The following UQCC1 variants were observed in gnomAD, a reference collection of about 807,000 sequenced individuals.
The protein encoded by UQCC1 is bFGF-repressed Zic-binding protein.
UQCC1 carries 38 observed loss-of-function variants against 48.0 expected under a neutral mutation model. The observed-to-expected ratio is 0.79, with a 90% CI of 0.61 to 1.04. The LOEUF is 1.04. Among genes scored for constraint, UQCC1 ranks in the 50% least tolerant of loss-of-function variants. The pLI, the probability that UQCC1 is intolerant of heterozygous loss-of-function variation, is 0.00. For missense variants in UQCC1, 368 were observed against 381.8 expected, an observed-to-expected ratio of 0.96 and a Z score of 0.30; for synonymous variants, 111 against 129.2, an observed-to-expected ratio of 0.86 and a Z score of 0.95.
intron 7 of UQCC1, chr20:35,344,618 G>A (rs1026841729): frequency 6.6e-6 from 1 of 152,254 alleles, no homozygotes; most frequent in African/African-American, 2.4e-5. Context: ...AGAGTTGGGT[G>A]GTAAGTACTT....
intron 6 of UQCC1, among the ~76,000 whole-genome samples, chr20:35,354,835 A>G (rs1402869732): frequency 6.6e-6 from 1 of 152,238 alleles, no homozygotes; most frequent in Non-Finnish European, 1.5e-5. Flanking sequence ...CTGTAAGCTT[A>G]ACAACTTACG....
chr20:35,306,447 A>G, intron 9 of UQCC1: 1 of 533,962 alleles, frequency 1.9e-6, no homozygotes, highest in South Asian at 2.1e-5. Context: ...AGACTACTCG[A>G]TGCCTCTTTC....
At chr20:35,397,778 G>A (rs893699649) in intron 1 of UQCC1, among the ~76,000 whole-genome samples, 1 of 152,106 alleles carries the variant, frequency 6.6e-6, no homozygotes, top group African/African-American at 2.4e-5. Flanking sequence ...GGGAGGTCCT[G>A]GAACCAAAGG....
intron 2 of UQCC1, 97 bp from the exon 3 acceptor site, chr20:35,384,230 C>A (rs2061910705): frequency 1.9e-6 from 2 of 1,070,928 alleles, no homozygotes; most frequent in Non-Finnish European, 2.7e-6. Context: ...ATCTTTCCAA[C>A]CTTACTTAGC....
Position 35,393,647 on chromosome 20 carries a change from G to GGAGAAAACCCCTC in UQCC1, c.129+444_129+445insGAGGGGTTTTCTC, listed in dbSNP as rs539215123. 6.8e-3 allele frequency among the ~76,000 whole-genome samples: 1,039 copies of GGAGAAAACCCCTC among 152,096 alleles called. 15 individuals are homozygous for GGAGAAAACCCCTC. The highest frequency in any genetic ancestry group is 0.024 in the African/African-American group (993 of 41,476). On this transcript the variant is annotated intron_variant, in intron 2 of 9. Coordinates refer to ENST00000374385, the MANE Select transcript of UQCC1 (RefSeq NM_018244.5). Reference sequence around the variant, plus strand: ...TGTATTATTAACAAAAATCAGGAGGGACACAAGGTCCAAGGTAAACTACAT... The same window carrying GGAGAAAACCCCTC: ...TGTATTATTAACAAAAATCAGGAGGGGAGAAAACCCCTCACACAAGGTCCAAGGTAAACTACAT...
chr20:35,370,324 C>G (rs1570003), intron 5 of UQCC1, among the ~76,000 whole-genome samples: 112,784 of 151,310 alleles, frequency 0.75, 42,477 homozygotes, highest in East Asian at 0.89. Context: ...TGGGATTACA[C>G]GTGTGAGCCA....
At chr20:35,400,712 G>A (rs1203716155) in intron 1 of UQCC1, among the ~76,000 whole-genome samples, 2 of 151,844 alleles carry the variant, frequency 1.3e-5, no homozygotes, top group East Asian at 1.9e-4. Flanking sequence ...CGCCAGGATG[G>A]TCTTGATCTC....
chr20:35,360,830 G>A (rs954310121), intron 6 of UQCC1, among the ~76,000 whole-genome samples: 1 of 152,162 alleles, frequency 6.6e-6, no homozygotes, highest in African/African-American at 2.4e-5. Flanking sequence ...GTAAATGTTT[G>A]CTGTGCTCAT....
chr20:35,378,847 AT>A (rs893743108), intron 4 of UQCC1, among the ~76,000 whole-genome samples: 1 of 152,178 alleles, frequency 6.6e-6, no homozygotes, highest in Non-Finnish European at 1.5e-5. Flanking sequence ...TATAACATTC[AT>A]TGAACATTAT....
intron 9 of UQCC1, among the ~76,000 whole-genome samples, chr20:35,305,797 C>T (rs998419683): frequency 3.3e-5 from 5 of 152,216 alleles, no homozygotes; most frequent in East Asian, 1.9e-4. Flanking sequence ...GTAACTGTGG[C>T]GTGACACCCC....
At chr20:35,403,067 CAAA>C (rs10707620) in intron 1 of UQCC1, among the ~76,000 whole-genome samples, 13 of 134,936 alleles carry the variant, frequency 9.6e-5, no homozygotes, top group South Asian at 2.3e-4. Flanking sequence ...GACTTCGTCT[CAAA>C]AAAAAAAAAA....
intron 1 of UQCC1, among the ~76,000 whole-genome samples, chr20:35,397,152 T>C (rs911336384): frequency 9.3e-5 from 14 of 150,298 alleles, no homozygotes; most frequent in East Asian, 5.9e-4. Flanking sequence ...TGAGCAGAGA[T>C]TGTGCCACTG....
At chr20:35,310,668 A>T (rs1250415264) in intron 8 of UQCC1, among the ~76,000 whole-genome samples, 3 of 140,848 alleles carry the variant, frequency 2.1e-5, no homozygotes, top group South Asian at 4.8e-4. Context: ...AAAAAAAAAA[A>T]TTGGGAAGAT....
intron 4 of UQCC1, among the ~76,000 whole-genome samples, chr20:35,377,890 T>A (rs2061820998): frequency 6.6e-6 from 1 of 152,222 alleles, no homozygotes. Context: ...TCAGTGCTCA[T>A]GCTATGGCAA....
At chr20:35,361,539 T>C (rs1313463041) in intron 6 of UQCC1, among the ~76,000 whole-genome samples, 1 of 152,240 alleles carries the variant, frequency 6.6e-6, no homozygotes, top group African/African-American at 2.4e-5. Context: ...AGAGAATAAA[T>C]GCCATAATTT....
At chr20:35,328,993 G>T (rs1570002) in intron 7 of UQCC1, among the ~76,000 whole-genome samples, 1 of 152,136 alleles carries the variant, frequency 6.6e-6, no homozygotes, top group Non-Finnish European at 1.5e-5. Flanking sequence ...AGCATGTGGC[G>T]AGAGACAAAA....
rs1262851903 is a variant in UQCC1, at chr20:35,411,945, C to A, written c.19G>T (p.Val7Phe). ...AAAATTACTCCTTCACTCACAAGGA[C>A]TCGCACCAGCAACGCCATGTTCCTC... MALLVRVLRNQTSISQW... is the reference protein window; with the variant it reads MALLVRFLRNQTSISQW... The change falls in exon 1 of 10, where the codon GTC becomes TTC. Residue 7 changes from valine to phenylalanine, a missense_variant. Coordinates refer to ENST00000374385, the MANE Select transcript of UQCC1 (RefSeq NM_018244.5). The A allele has an allele frequency of 6.2e-7, 1 of 1,614,224 alleles. No homozygotes were observed. Among genetic ancestry groups the A allele is most frequent in the Non-Finnish European group, 8.5e-7 (1 of 1,180,036 alleles).
At chr20:35,338,882 A>ATATCTATATATAT (rs1568666102) in intron 7 of UQCC1, among the ~76,000 whole-genome samples, 2 of 60,162 alleles carry the variant, frequency 3.3e-5, no homozygotes, top group African/African-American at 2.1e-4. Flanking sequence ...AAAAAAAAAA[A>ATATCTATATATAT]AAAAAAAAAA....
At chr20:35,384,811 C>T (rs1254201830) in intron 2 of UQCC1, among the ~76,000 whole-genome samples, 1 of 151,130 alleles carries the variant, frequency 6.6e-6, no homozygotes, top group Non-Finnish European at 1.5e-5. Flanking sequence ...ACTAAAAATA[C>T]AAAAAATTAG....
Sources: gnomAD v4.1 joint callset for allele counts (sites outside exome capture counted in the v4.1 genomes callset) on GRCh38, gnomAD v4.1.1 for gene constraint, MANE v1.5 for transcripts, NCBI Gene and HGNC (gene_info 2026-07-23, HGNC 2026-07-21) for gene names.